The following CNIH3 variants were observed in gnomAD, a reference collection of about 807,000 sequenced individuals.
CNIH3 encodes protein cornichon homolog 3.
In CNIH3, 14 loss-of-function variants were observed where a neutral mutation model predicts 24.1. The observed-to-expected ratio is 0.58, with a 90% CI of 0.38 to 0.91. CNIH3 has a LOEUF of 0.91. Ranked by LOEUF, CNIH3 falls within the 40% of genes least tolerant of loss-of-function variation. CNIH3 has a pLI of 0.00. For synonymous variants in CNIH3, 68 were observed against 73.8 expected (o/e 0.92, Z 0.40); for missense variants, 178 against 196.8 (o/e 0.90, Z 0.57).
chr1:224,462,599 G>A (rs1675960448), intron 1 of CNIH3, among the ~76,000 whole-genome samples: 1 of 150,868 alleles, frequency 6.6e-6, no homozygotes, highest in Admixed American at 6.6e-5. Flanking sequence ...CTCCCAAAAT[G>A]CTGGGATTAC....
At chr1:224,481,062 G>T (rs1572334323) in intron 1 of CNIH3, among the ~76,000 whole-genome samples, 1 of 152,262 alleles carries the variant, frequency 6.6e-6, no homozygotes, top group African/African-American at 2.4e-5. Context: ...GGGGAGGGGT[G>T]ACAATCATCG....
chr1:224,558,368 A>G (rs575941446), intron 3 of CNIH3, among the ~76,000 whole-genome samples: 1 of 152,220 alleles, frequency 6.6e-6, no homozygotes, highest in East Asian at 1.9e-4. Flanking sequence ...TTTTCACCAC[A>G]TACTATTGGT....
intron 1 of CNIH3, among the ~76,000 whole-genome samples, chr1:224,483,092 C>T (rs1304787806): frequency 6.6e-6 from 1 of 152,206 alleles, no homozygotes; most frequent in Non-Finnish European, 1.5e-5. Flanking sequence ...ACACAGCTGA[C>T]CACTGGCAGG....
chr1:224,533,555 G>C (rs973873911), intron 2 of CNIH3, among the ~76,000 whole-genome samples: 1 of 152,168 alleles, frequency 6.6e-6, no homozygotes, highest in African/African-American at 2.4e-5. Flanking sequence ...CTGTCATCGA[G>C]GTGTTAGCAG....
chr1:224,584,371 A>G (rs1421929047), intron 5 of CNIH3, among the ~76,000 whole-genome samples: 1 of 152,264 alleles, frequency 6.6e-6, no homozygotes, highest in East Asian at 1.9e-4. Context: ...TATGCCTGGC[A>G]GTATTTAGGA....
downstream of CNIH3, among the ~76,000 whole-genome samples, chr1:224,539,833 A>G (rs1448185702): frequency 6.6e-6 from 1 of 152,032 alleles, no homozygotes; most frequent in Non-Finnish European, 1.5e-5. Flanking sequence ...TTCTGTTTCT[A>G]TATTTTGCTT....
intron 1 of CNIH3, among the ~76,000 whole-genome samples, chr1:224,484,527 T>G (rs566525950): frequency 1.3e-5 from 2 of 152,350 alleles, no homozygotes; most frequent in African/African-American, 2.4e-5. Flanking sequence ...TTCATGAAGC[T>G]TCTTGTATCT....
chr1:224,715,847 C>T (rs557539018), intron 3 of CNIH3, among the ~76,000 whole-genome samples: 1 of 152,238 alleles, frequency 6.6e-6, no homozygotes, highest in East Asian at 1.9e-4. Context: ...CCCATTAGGC[C>T]CCACTTCCCA....
At chr1:224,735,394 A>G (rs922289266) in intron 5 of CNIH3, among the ~76,000 whole-genome samples, 2 of 152,086 alleles carry the variant, frequency 1.3e-5, no homozygotes, top group Non-Finnish European at 2.9e-5. Flanking sequence ...CTTTTCCGCA[A>G]ATGTCTCCTC....
intron 2 of CNIH3, among the ~76,000 whole-genome samples, chr1:224,526,679 A>G (rs1678859838): frequency 6.6e-6 from 1 of 152,216 alleles, no homozygotes; most frequent in Non-Finnish European, 1.5e-5. Context: ...GCATTTTGTT[A>G]TAGCAGCCTG....
chr1:224,569,029 C>A (rs1044627106), intron 4 of CNIH3, among the ~76,000 whole-genome samples: 1 of 152,108 alleles, frequency 6.6e-6, no homozygotes, highest in African/African-American at 2.4e-5. Flanking sequence ...TGTGCCACCA[C>A]GCCTGGCTTT....
intron 1 of CNIH3, among the ~76,000 whole-genome samples, chr1:224,456,504 G>A (rs1319545557): frequency 2.0e-5 from 3 of 152,118 alleles, no homozygotes; most frequent in Non-Finnish European, 4.4e-5. Context: ...TGGACCTCCC[G>A]GGCTCGAGCC....
chr1:224,483,390 AT>A (rs34771495), intron 1 of CNIH3, among the ~76,000 whole-genome samples: 366 of 138,978 alleles, frequency 2.6e-3, no homozygotes, highest in Middle Eastern at 3.6e-3. Flanking sequence ...TGCTCACCTG[AT>A]TTTTTTTTTT....
At chr1:224,454,331 G>T (rs1478132129) in intron 1 of CNIH3, 7 of 976,896 alleles carry the variant, frequency 7.2e-6, no homozygotes, top group Non-Finnish European at 8.5e-6. Flanking sequence ...CTTTTGCAAA[G>T]CTAGGAGGCT....
chr1:224,569,295 T>C (rs773018012), intron 4 of CNIH3, among the ~76,000 whole-genome samples: 5 of 152,258 alleles, frequency 3.3e-5, no homozygotes, highest in African/African-American at 7.2e-5. Context: ...CTGCAACTTG[T>C]GTGTTTTACT....
chr1:224,541,857 T>A (rs1025419286), downstream of CNIH3, among the ~76,000 whole-genome samples: 3 of 152,234 alleles, frequency 2.0e-5, no homozygotes, highest in South Asian at 2.1e-4. Flanking sequence ...ATCTTATTTT[T>A]AAAAAATCTT....
At chr1:224,707,430 C>A (rs1350455959) in intron 3 of CNIH3, among the ~76,000 whole-genome samples, 1 of 151,570 alleles carries the variant, frequency 6.6e-6, no homozygotes, top group Non-Finnish European at 1.5e-5. Context: ...TGGAGAGACA[C>A]CCCCCGCCCC....
intron 1 of CNIH3, among the ~76,000 whole-genome samples, chr1:224,457,340 G>A (rs1022052771): frequency 8.0e-5 from 12 of 149,770 alleles, no homozygotes; most frequent in Admixed American, 2.0e-4. Context: ...TCTGTTCTCC[G>A]CCCCTACTGA....
At chr1:224,681,459 G>A (rs1014139905) in intron 2 of CNIH3, among the ~76,000 whole-genome samples, 7 of 152,180 alleles carry the variant, frequency 4.6e-5, no homozygotes, top group South Asian at 2.1e-4. Flanking sequence ...AGTCCCTGGC[G>A]CCATCCATCA....
Sources: gnomAD v4.1 joint callset for allele counts (sites outside exome capture counted in the v4.1 genomes callset) on GRCh38, gnomAD v4.1.1 for gene constraint, MANE v1.5 for transcripts, NCBI Gene and HGNC (gene_info 2026-07-23, HGNC 2026-07-21) for gene names.